Variants in RSRC1 observed in about 807,000 individuals in gnomAD.
RSRC1 encodes arginine and serine rich coiled-coil 1.
Under a neutral mutation model 49.1 loss-of-function variants are expected in RSRC1, and 39 were observed. The ratio of observed to expected loss-of-function variants is 0.79; its 90% CI spans 0.61 to 1.04. RSRC1 has a LOEUF of 1.04. Ranked by LOEUF, RSRC1 falls within the 50% of genes least tolerant of loss-of-function variation. The pLI is 0.00. For missense variants in RSRC1, 388 were observed against 402.4 expected (o/e 0.96, Z 0.31); for synonymous variants, 143 against 130.8 (o/e 1.09, Z -0.63).
intron 6 of RSRC1, among the ~76,000 whole-genome samples, chr3:158,445,325 T>C (rs1195342145): frequency 6.6e-6 from 1 of 151,960 alleles, no homozygotes; most frequent in Non-Finnish European, 1.5e-5. Flanking sequence ...TATGCAGCCA[T>C]AAAAAAGGGT....
chr3:158,310,917 C>T (rs1728087074), intron 5 of RSRC1, among the ~76,000 whole-genome samples: 2 of 151,810 alleles, frequency 1.3e-5, no homozygotes, highest in South Asian at 4.1e-4. Context: ...TTCCCTCCTT[C>T]ATTCACTCAA....
chr3:158,185,912 G>GT (rs1432288409), intron 3 of RSRC1, among the ~76,000 whole-genome samples: 1 of 151,908 alleles, frequency 6.6e-6, no homozygotes, highest in African/African-American at 2.4e-5. Context: ...AAAATTAATA[G>GT]TTTCACATTT....
At chr3:158,171,684 T>C (rs1347220830) in intron 3 of RSRC1, among the ~76,000 whole-genome samples, 2 of 152,044 alleles carry the variant, frequency 1.3e-5, no homozygotes, top group Admixed American at 1.3e-4. Flanking sequence ...GTGTGGTGGC[T>C]CACATCTGTA....
chr3:158,372,373 A>G (rs1423432692), intron 6 of RSRC1, among the ~76,000 whole-genome samples: 1 of 151,852 alleles, frequency 6.6e-6, no homozygotes, highest in East Asian at 1.9e-4. Context: ...GCACATGGAT[A>G]TCTTATTATT....
intron 7 of RSRC1, among the ~76,000 whole-genome samples, chr3:158,534,388 A>G (rs1432600444): frequency 1.3e-5 from 2 of 151,700 alleles, no homozygotes; most frequent in Non-Finnish European, 3.0e-5. Context: ...TTGCTGCAAA[A>G]AACTCCACCT....
At chr3:158,114,739 G>C (rs1714677477) in intron 1 of RSRC1, among the ~76,000 whole-genome samples, 1 of 151,978 alleles carries the variant, frequency 6.6e-6, no homozygotes, top group African/African-American at 2.4e-5. Flanking sequence ...TGTATTCCTA[G>C]GTATTTTATT....
At chr3:158,134,904 A>G (rs903566894) in intron 3 of RSRC1, among the ~76,000 whole-genome samples, 4 of 152,198 alleles carry the variant, frequency 2.6e-5, no homozygotes, top group Non-Finnish European at 5.9e-5. Context: ...ACTTAACACT[A>G]TAGCACAATT....
At chr3:158,360,779 C>A (rs1731422905) in intron 6 of RSRC1, among the ~76,000 whole-genome samples, 1 of 152,222 alleles carries the variant, frequency 6.6e-6, no homozygotes, top group Admixed American at 6.5e-5. Context: ...CTCAAGCCTG[C>A]AAGGGCAAGG....
chr3:158,332,320 A>G (rs1729592800), intron 5 of RSRC1, among the ~76,000 whole-genome samples: 1 of 152,140 alleles, frequency 6.6e-6, no homozygotes, highest in Non-Finnish European at 1.5e-5. Context: ...TGTTGACTAA[A>G]ACATCCGTGT....
rs143658616 is a variant in RSRC1, at chr3:158,459,163, A to C, written c.584-1772A>C. ...TTTGGAGCTCTTGATTGACAGTTTG[A>C]AGCTCAATTACATAAAATATTTAAC... On this transcript the variant is annotated intron_variant, in intron 6 of 9. Coordinates refer to ENST00000611884, the MANE Select transcript of RSRC1 (RefSeq NM_001271838.2). Among the ~76,000 whole-genome samples, 261 of 152,290 alleles carry C rather than the reference A, an allele frequency of 1.7e-3. 1 individual carries two copies. The highest frequency in any genetic ancestry group is 6.1e-3 in the African/African-American group (255 of 41,580).
At chr3:158,467,065 G>GA (rs1737923005) in intron 7 of RSRC1, among the ~76,000 whole-genome samples, 1 of 151,882 alleles carries the variant, frequency 6.6e-6, no homozygotes, top group South Asian at 2.1e-4. Context: ...AGTCTCTTAA[G>GA]AAAAAAATAC....
At chr3:158,331,321 T>C (rs1015374229) in intron 5 of RSRC1, among the ~76,000 whole-genome samples, 1 of 152,252 alleles carries the variant, frequency 6.6e-6, no homozygotes, top group African/African-American at 2.4e-5. Flanking sequence ...TAGTAGTCTT[T>C]TGTGCGTGTG....
intron 4 of RSRC1, among the ~76,000 whole-genome samples, chr3:158,266,424 A>G (rs968501629): frequency 7.2e-5 from 11 of 152,106 alleles, no homozygotes; most frequent in Non-Finnish European, 4.4e-5. Flanking sequence ...ATGAATTATA[A>G]TTTCATTCTG....
intron 5 of RSRC1, among the ~76,000 whole-genome samples, chr3:158,306,632 G>C (rs1169608112): frequency 6.6e-6 from 1 of 151,616 alleles, no homozygotes; most frequent in African/African-American, 2.4e-5. Flanking sequence ...TCTCATAATT[G>C]CAAAAAACAA....
chr3:158,230,851 T>G (rs1722907431), intron 4 of RSRC1, among the ~76,000 whole-genome samples: 1 of 152,120 alleles, frequency 6.6e-6, no homozygotes, highest in African/African-American at 2.4e-5. Context: ...TTATGAAACA[T>G]AAATACAAAA....
At chr3:158,284,283 A>G (rs1726369988) in intron 4 of RSRC1, among the ~76,000 whole-genome samples, 1 of 151,822 alleles carries the variant, frequency 6.6e-6, no homozygotes, top group Non-Finnish European at 1.5e-5. Flanking sequence ...TTCTTAATCC[A>G]GTCTATCATT....
At chr3:158,393,714 C>T (rs1236930808) in intron 6 of RSRC1, among the ~76,000 whole-genome samples, 1 of 152,038 alleles carries the variant, frequency 6.6e-6, no homozygotes, top group African/African-American at 2.4e-5. Context: ...GACAGATTCA[C>T]AGCCAGATTC....
At chr3:158,125,779 C>T (rs1322085731) in intron 3 of RSRC1, among the ~76,000 whole-genome samples, 1 of 151,980 alleles carries the variant, frequency 6.6e-6, no homozygotes, top group Non-Finnish European at 1.5e-5. Flanking sequence ...TCTTATTTTT[C>T]TGTCCATTAT....
chr3:158,355,789 T>C (rs1386499697), intron 6 of RSRC1, among the ~76,000 whole-genome samples: 2 of 146,836 alleles, frequency 1.4e-5, no homozygotes, highest in African/African-American at 5.5e-5. Context: ...TCCTCTCTTA[T>C]ACATGGTGGA....
Sources: gnomAD v4.1 joint callset for allele counts (sites outside exome capture counted in the v4.1 genomes callset) on GRCh38, gnomAD v4.1.1 for gene constraint, MANE v1.5 for transcripts, NCBI Gene and HGNC (gene_info 2026-07-23, HGNC 2026-07-21) for gene names.